The following LRRC7 variants were observed in gnomAD, a reference collection of about 807,000 sequenced individuals.
LRRC7 encodes leucine rich repeat containing 7.
A neutral mutation model predicts 175.7 loss-of-function variants in LRRC7; 23 were observed. The observed-to-expected ratio is 0.13, with a 90% CI of 0.09 to 0.19. The LOEUF (loss-of-function observed/expected upper bound fraction) is 0.19. LRRC7 is among the 10% of genes least tolerant of loss of function. The pLI is 1.00. For synonymous variants in LRRC7, 685 were observed against 680.9 expected, an observed-to-expected ratio of 1.01 and a Z score of -0.09; for missense variants, 1,354 against 1,904.7, an observed-to-expected ratio of 0.71 and a Z score of 5.38.
intron 7 of LRRC7, chr1:69,874,617 T>C (rs1293642580): frequency 6.6e-6 from 1 of 152,136 alleles, no homozygotes; most frequent in Non-Finnish European, 1.5e-5. Context: ...TTTTACTGCC[T>C]AGGAAAGAAA....
chr1:69,590,715 A>T (rs571790134), intron 1 of LRRC7, among the ~76,000 whole-genome samples: 70 of 152,262 alleles, frequency 4.6e-4, no homozygotes, highest in African/African-American at 1.7e-3. Context: ...CCATAGGCTA[A>T]TTGCATCTGC....
chr1:69,774,281 C>T (rs909163848), intron 3 of LRRC7, among the ~76,000 whole-genome samples: 5 of 152,120 alleles, frequency 3.3e-5, no homozygotes, highest in Non-Finnish European at 5.9e-5. Flanking sequence ...CCAATTTATC[C>T]GATGTGCTTT....
At chr1:69,929,878 C>T (rs1371780595) in intron 7 of LRRC7, among the ~76,000 whole-genome samples, 1 of 152,126 alleles carries the variant, frequency 6.6e-6, no homozygotes, top group South Asian at 2.1e-4. Flanking sequence ...CATCATCTTT[C>T]TACTCCTCCC....
intron 11 of LRRC7, among the ~76,000 whole-genome samples, chr1:69,997,300 G>A (rs1237391774): frequency 1.3e-5 from 2 of 152,052 alleles, no homozygotes; most frequent in Non-Finnish European, 2.9e-5. Flanking sequence ...GAGATTTTGG[G>A]CTGAGACAAT....
chr1:69,588,985 C>CTGTGTGTGTG (rs138325158), intron 1 of LRRC7, among the ~76,000 whole-genome samples: 8,570 of 131,072 alleles, frequency 0.065, 360 homozygotes, highest in African/African-American at 0.12. Flanking sequence ...CTGCTGGGGT[C>CTGTGTGTGTG]TGTGTGTGTG....
Position 69,670,200 on chromosome 1 carries a change from G to A in LRRC7, c.3-8181G>A, listed in dbSNP as rs1570276471. On this transcript the variant is annotated intron_variant, in intron 1 of 26. Transcript: ENST00000651989. ...ATTTATTGTAGCTGTCAAAGTCTGG[G>A]CTTGTTTGTGCCCATCCTTCCTGGG... Among the ~76,000 whole-genome samples the A allele has an allele frequency of 2.0e-5, 3 of 152,178 alleles. No homozygotes were observed. The South Asian group carries it at 6.2e-4, about 32-fold the overall frequency.
chr1:69,957,739 C>T (rs1185950815), intron 8 of LRRC7, among the ~76,000 whole-genome samples: 1 of 151,796 alleles, frequency 6.6e-6, no homozygotes, highest in Non-Finnish European at 1.5e-5. Flanking sequence ...TGCTGAGTAC[C>T]AGAGATTCAG....
intron 11 of LRRC7, among the ~76,000 whole-genome samples, chr1:69,997,713 G>T (rs1399222308): frequency 6.7e-6 from 1 of 149,004 alleles, no homozygotes. Flanking sequence ...TTATTGATTT[G>T]CATATATTGA....
intron 2 of LRRC7, among the ~76,000 whole-genome samples, chr1:69,681,808 G>A (rs1158732466): frequency 6.6e-6 from 1 of 152,068 alleles, no homozygotes; most frequent in Non-Finnish European, 1.5e-5. Flanking sequence ...TTCCTGTCCA[G>A]TCACTCTACT....
intron 25 of LRRC7, among the ~76,000 whole-genome samples, chr1:70,104,651 C>T (rs1452801951): frequency 6.6e-6 from 1 of 152,036 alleles, no homozygotes; most frequent in African/African-American, 2.4e-5. Context: ...CAGAAAAAAG[C>T]AATACATGCT....
chr1:69,764,953 T>G (rs1393639913), intron 3 of LRRC7, among the ~76,000 whole-genome samples: 3 of 152,040 alleles, frequency 2.0e-5, no homozygotes, highest in Non-Finnish European at 4.4e-5. Flanking sequence ...ATAGTTCTAG[T>G]GTTGACTATT....
intron 2 of LRRC7, among the ~76,000 whole-genome samples, chr1:69,698,806 T>A (rs1040736): frequency 0.44 from 66,837 of 152,060 alleles, 14,946 homozygotes; most frequent in Admixed American, 0.5. Context: ...TTAATTCACA[T>A]AACATGGTCT....
At chr1:69,953,300 G>A (rs1473612398) in intron 8 of LRRC7, among the ~76,000 whole-genome samples, 1 of 152,004 alleles carries the variant, frequency 6.6e-6, no homozygotes, top group African/African-American at 2.4e-5. Context: ...GCTATAGTTT[G>A]TAAATCTTAT....
intron 2 of LRRC7, among the ~76,000 whole-genome samples, chr1:69,700,306 A>C (rs1022296318): frequency 2.0e-5 from 3 of 152,304 alleles, no homozygotes; most frequent in African/African-American, 7.2e-5. Flanking sequence ...AGCAACAGTA[A>C]GTATTGAGTT....
At chr1:69,622,222 C>G (rs567892676) in intron 1 of LRRC7, among the ~76,000 whole-genome samples, 65 of 152,292 alleles carry the variant, frequency 4.3e-4, no homozygotes, top group Non-Finnish European at 5.6e-4. Flanking sequence ...ATTTTAACAT[C>G]GTAAAGAAAG....
intron 1 of LRRC7, among the ~76,000 whole-genome samples, chr1:69,609,028 A>G (rs1211935983): frequency 6.6e-6 from 1 of 150,938 alleles, no homozygotes; most frequent in African/African-American, 2.4e-5. Flanking sequence ...TTCTCCATGG[A>G]AAAAAAATGT....
intron 3 of LRRC7, among the ~76,000 whole-genome samples, chr1:69,767,766 C>T (rs923179499): frequency 1.3e-5 from 2 of 152,128 alleles, no homozygotes; most frequent in Non-Finnish European, 2.9e-5. Flanking sequence ...CTAGCCAATC[C>T]AGTATTTTGT....
Position 70,059,474 on chromosome 1 carries a change from A to T in LRRC7, c.4230+6329A>T, listed in dbSNP as rs530178640. Among the ~76,000 whole-genome samples, 596 of 132,286 alleles carry T rather than the reference A, an allele frequency of 4.5e-3. 4 individuals are homozygous for T. Among genetic ancestry groups the T allele is most frequent in the Middle Eastern group, 0.016 (4 of 252 alleles). 86.8% of individuals were successfully genotyped at this position (132,286 alleles called of 152,430 possible). A position where few individuals can be genotyped will look rare whatever the true frequency, so the allele number is the denominator to read the frequency against. ...TTATCAGAAGAAGAAACTAGAAGAA[A>T]GTGTGTGTGTGTGTGTGTGTGTGTG... On this transcript the variant is annotated intron_variant, in intron 23 of 26. Transcript: ENST00000651989.
chr1:69,852,307 A>G (rs1683077651), intron 7 of LRRC7, among the ~76,000 whole-genome samples: 4 of 152,136 alleles, frequency 2.6e-5, no homozygotes. Flanking sequence ...AGGCTTGCAA[A>G]GAACGTTTAC....
Sources: gnomAD v4.1 joint callset for allele counts (sites outside exome capture counted in the v4.1 genomes callset) on GRCh38, gnomAD v4.1.1 for gene constraint, MANE v1.5 for transcripts, NCBI Gene and HGNC (gene_info 2026-07-23, HGNC 2026-07-21) for gene names.